Variants in HAX1 observed in about 807,000 individuals in gnomAD.
HAX1 encodes HCLS1 associated protein X-1.
A neutral mutation model predicts 31.1 loss-of-function variants in HAX1; 27 were observed. The observed-to-expected ratio is 0.87, with a 90% CI of 0.64 to 1.20. HAX1 has a LOEUF of 1.20. HAX1 is among the 50% of genes most tolerant of loss of function. HAX1 has a pLI of 0.00. For synonymous variants in HAX1, 114 were observed against 124.1 expected (o/e 0.92, Z 0.54); for missense variants, 357 against 361.6 (o/e 0.99, Z 0.10).
chr1:154,272,782 A>G lies in HAX1; in HGVS notation c.53+6A>G, dbSNP rs1684817663. 6.2e-7 allele frequency: 1 copy of G among 1,613,536 alleles called. No individual in the cohort carries two copies. The highest frequency in any genetic ancestry group is 1.7e-5 in the Admixed American group (1 of 60,002). On this transcript the variant is annotated splice_donor_region_variant and intron_variant, in intron 1 of 6. Transcript: ENST00000328703. ...GGCTTTCCTGGACCTCGGAGGTGAG[A>G]GTAGGTCCGGCTCGGACAAGGGTGG...
In HAX1 at chr1:154,275,087, G is replaced by C. The variant is rs780806194; in HGVS notation, c.557-67G>C. The stretch of plus-strand genomic sequence containing the variant: ...TTCTCCCTCCCTGAAGTTTCTTCCT[G>C]TACACTTGTCTCCTTTTTTCCTTTG... On this transcript the variant is annotated intron_variant, in intron 4 of 6. Coordinates refer to ENST00000328703, the MANE Select transcript of HAX1 (RefSeq NM_006118.4). 158 of 1,439,780 alleles carry C rather than the reference G, an allele frequency of 1.1e-4. 1 individual carries two copies. Among genetic ancestry groups the C allele is most frequent in the Non-Finnish European group, 1.5e-4 (151 of 1,021,430 alleles). 89.2% of individuals were successfully genotyped at this position (1,439,780 alleles called of 1,614,324 possible).
rs199780741 is a variant in HAX1 at position 154,275,236 on chromosome 1, G to A, written c.639G>A (p.Val213=). Reference sequence around the variant, plus strand: ...AATCCTATTTCAAGAGCATCTCTGTGACCAAGATCACTAAACCAGATGGGG... The same window carrying A: ...AATCCTATTTCAAGAGCATCTCTGTAACCAAGATCACTAAACCAGATGGGG... ...QPKSYFKSIS[V]TKITKPDGIV... Residue 213 remains valine, a synonymous_variant, in exon 5 of 7, where the codon GTG becomes GTA. Transcript: ENST00000328703. 1.2e-6 allele frequency: 2 copies of A among 1,613,130 alleles called. No homozygotes were observed. Among genetic ancestry groups the A allele is most frequent in the African/African-American group, 1.3e-5 (1 of 75,028 alleles).
rs1684849193 is a variant in HAX1, at chr1:154,273,262, T to A, written c.54-74T>A. ...CCCAGACCCCTTGCTCTTGTCCCAC[T>A]TTGCCACCCATGAGTTGATTTAATG... On this transcript the variant is annotated intron_variant, in intron 1 of 6. Transcript: ENST00000328703. The A allele has an allele frequency of 1.7e-5, 28 of 1,601,726 alleles. No homozygotes were observed. The South Asian group carries it at 2.9e-4, about 16-fold the overall frequency.
At chr1:154,273,010 GGAAGA>G (rs1684831376) in intron 1 of HAX1, 1 of 615,034 alleles carries the variant, frequency 1.6e-6, no homozygotes, top group Non-Finnish European at 2.9e-6. Flanking sequence ...ACCCGGGCGG[GGAAGA>G]CCGTGAGGGT....
Position 154,272,746 on chromosome 1 carries a change from G to C in HAX1, c.23G>C (p.Arg8Pro). 6.2e-7 allele frequency: 1 copy of C among 1,614,168 alleles called. No individual in the cohort carries two copies. The highest frequency in any genetic ancestry group is 8.5e-7 in the Non-Finnish European group (1 of 1,180,026). ...GGAATGAGCCTCTTTGATCTCTTCC[G>C]GGGCTTTTTCGGCTTTCCTGGACCT... is the stretch of plus-strand genomic sequence containing the variant. MSLFDLF[R>P]GFFGFPGPRS... Residue 8 changes from arginine (R) to proline (P), a missense_variant, in exon 1 of 7, where the codon CGG (arginine) becomes CCG (proline). Arg to Pro is a moderately radical substitution (Grantham distance 103). Transcript: ENST00000328703.
In HAX1 at chr1:154,273,973, A is replaced by G. The variant is rs746515158; in HGVS notation, c.504+12A>G. 7 of 1,610,236 alleles carry G rather than the reference A, an allele frequency of 4.3e-6. 1 individual carries two copies. The South Asian group carries it at 7.7e-5, about 18-fold the overall frequency. On this transcript the variant is annotated intron_variant, in intron 3 of 6. Coordinates refer to ENST00000328703, the MANE Select transcript of HAX1 (RefSeq NM_006118.4). ...GGCCATTTCATAGGGTGAGTATCCC[A>G]TCTGGTCCTGAAGTGAGAGCTTGTG...
chr1:154,272,978 A>C, intron 1 of HAX1: 1 of 634,970 alleles, frequency 1.6e-6, no homozygotes, highest in Admixed American at 2.6e-5. Flanking sequence ...GCCTTTCTCC[A>C]ACCTGGGGTG....
intron 1 of HAX1, 62 bp from the exon 2 acceptor site, chr1:154,273,274 G>A (rs959258096): frequency 1.9e-6 from 3 of 1,607,652 alleles, no homozygotes; most frequent in African/African-American, 1.3e-5. Flanking sequence ...TGCCACCCAT[G>A]AGTTGATTTA....
At position 154,273,810 on chromosome 1, in the gene HAX1, G is replaced by C; in HGVS notation, c.353G>C (p.Arg118Thr). The stretch of plus-strand genomic sequence containing the variant: ...CCTGAGTCAGAGACACCTGGTGAGA[G>C]ACTACGGGAGGGACAGACACTTCGG... ...PGPESETPGE[R>T]LREGQTLRDS... Residue 118 changes from arginine to threonine, a missense_variant, in exon 3 of 7, where the codon AGA becomes ACA. Transcript: ENST00000328703. 1 of 1,614,164 alleles carries C rather than the reference G, an allele frequency of 6.2e-7. No individual in the cohort carries two copies. The highest frequency in any genetic ancestry group is 8.5e-7 in the Non-Finnish European group (1 of 1,180,024).
rs11556342 is a variant in HAX1, at chr1:154,273,390, A to G, written c.108A>G (p.Glu36=). 2.5e-6 allele frequency: 4 copies of G among 1,600,482 alleles called. No homozygotes were observed. Among genetic ancestry groups the G allele is most frequent in the Non-Finnish European group, 3.4e-6 (4 of 1,168,694 alleles). The part of the protein sequence containing the change: ...GMTRDEDDDE[E]EEEEGGSWGR... The stretch of plus-strand genomic sequence containing the variant: ...CTCGAGATGAAGATGATGATGAGGA[A>G]GAAGAAGAAGAAGGGGGCTCATGGG... The change falls in exon 2 of 7, where the codon GAA becomes GAG. Residue 36 remains glutamate, a synonymous_variant. Transcript: ENST00000328703.
Position 154,273,929 on chromosome 1 carries a change from C to T in HAX1, c.472C>T (p.Pro158Ser), listed in dbSNP as rs1160445615. 1 of 1,614,130 alleles carries T rather than the reference C, an allele frequency of 6.2e-7. No homozygotes were observed. The highest frequency in any genetic ancestry group is 1.7e-5 in the Admixed American group (1 of 60,022). Residue 158 changes from proline (P) to serine (S), a missense_variant, in exon 3 of 7, where the codon CCA becomes TCA. Transcript: ENST00000328703. ...DARSESPQPAPDWGSQRPFHR... is the reference protein window; with the variant it reads ...DARSESPQPASDWGSQRPFHR... ...AAGAAGTGAATCCCCCCAACCAGCACCAGACTGGGGCTCCCAGAGGCCATT... is the reference window on the plus strand; with the variant it reads ...AAGAAGTGAATCCCCCCAACCAGCATCAGACTGGGGCTCCCAGAGGCCATT...
chr1:154,275,217 A>C lies in HAX1; in HGVS notation c.620A>C (p.Tyr207Ser). The change falls in exon 5 of 7, where the codon TAT (tyrosine) becomes TCT (serine). Residue 207 changes from tyrosine to serine, a missense_variant. Coordinates refer to ENST00000328703, the MANE Select transcript of HAX1 (RefSeq NM_006118.4). ...GPVLQPQPKS[Y>S]FKSISVTKIT... The stretch of plus-strand genomic sequence containing the variant: ...GTTCTACAGCCCCAGCCCAAATCCT[A>C]TTTCAAGAGCATCTCTGTGACCAAG... 1 of 1,613,834 alleles carries C rather than the reference A, an allele frequency of 6.2e-7. No individual in the cohort carries two copies. The highest frequency in any genetic ancestry group is 8.5e-7 in the Non-Finnish European group (1 of 1,179,754).
Position 154,273,379 on chromosome 1 carries a change from G to C in HAX1, c.97G>C (p.Asp33His). Residue 33 changes from aspartate to histidine, a missense_variant, in exon 2 of 7, where the codon GAT (aspartate) becomes CAT (histidine). Transcript: ENST00000328703. ...FFGGMTRDED[D>H]DEEEEEEGGS... Reference sequence around the variant, plus strand: ...TGGAGGGATGACTCGAGATGAAGATGATGATGAGGAAGAAGAAGAAGAAGG... The same window carrying C: ...TGGAGGGATGACTCGAGATGAAGATCATGATGAGGAAGAAGAAGAAGAAGG... 3 of 1,613,834 alleles carry C rather than the reference G, an allele frequency of 1.9e-6. No individual in the cohort carries two copies. The highest frequency in any genetic ancestry group is 2.5e-6 in the Non-Finnish European group (3 of 1,179,928).
At position 154,273,519 on chromosome 1, in the gene HAX1, C is replaced by T. The variant is rs761531560; in HGVS notation, c.237C>T (p.Phe79=). ...PGGGIRFHDN[F]GFDDLVRDFN... is the part of the protein sequence containing the mutation. ...GAGGGATACGTTTCCACGATAACTT[C>T]GGCTTTGATGACCTAGTACGAGATT... The change falls in exon 2 of 7, where the codon TTC becomes TTT. Residue 79 remains phenylalanine (F), a synonymous_variant. Transcript: ENST00000328703. 1.2e-6 allele frequency: 2 copies of T among 1,614,124 alleles called. No homozygotes were observed. The highest frequency in any genetic ancestry group is 1.7e-6 in the Non-Finnish European group (2 of 1,180,016).
In HAX1 at chr1:154,273,468, CT is replaced by C; in HGVS notation, c.188del (p.Phe63SerfsTer22). On this transcript the variant is annotated frameshift_variant, in exon 2 of 7. Transcript: ENST00000328703. LOFTEE classifies it high-confidence loss of function. ...SPQHPPEEFG[F>X]GFSFSPGGGI... ...CTCAGCACCCCCCTGAGGAATTTGG[CT>C]TCGGCTTCAGCTTCAGCCCAGGAGG... is the stretch of plus-strand genomic sequence containing the variant. 1 of 1,614,174 alleles carries C rather than the reference CT, an allele frequency of 6.2e-7. No homozygotes were observed. The highest frequency in any genetic ancestry group is 1.1e-5 in the South Asian group (1 of 91,088).
rs1401575127 is a variant in HAX1, at chr1:154,273,557, T to C, written c.275T>C (p.Phe92Ser). 6.2e-7 allele frequency: 1 copy of C among 1,614,170 alleles called. No homozygotes were observed. The highest frequency in any genetic ancestry group is 1.1e-5 in the South Asian group (1 of 91,084). ...DDLVRDFNSI[F>S]SDMGAWTLPS... ...CTAGTACGAGATTTCAATAGCATCT[T>C]CAGCGATATGGGGGCCTGGACCTTG... The change falls in exon 2 of 7, where the codon TTC becomes TCC. Residue 92 changes from phenylalanine (F) to serine (S), a missense_variant. Phe to Ser is a radical substitution (Grantham distance 155). Coordinates refer to ENST00000328703, the MANE Select transcript of HAX1 (RefSeq NM_006118.4).
rs375704974 is a variant in HAX1 at position 154,275,672 on chromosome 1, T to C, written c.811T>C (p.Phe271Leu). ...TGATGCCTTTTCCATCCTGGACTTA[T>C]TCCTGGGACGTTGGTTCCGGTCCCG... The part of the protein sequence containing the change: ...LDDAFSILDL[F>L]LGRWFRSR The change falls in exon 7 of 7, where the codon TTC (phenylalanine) becomes CTC (leucine). Residue 271 changes from phenylalanine to leucine, a missense_variant. Physicochemically the swap from Phe to Leu is conservative, Grantham distance 22 (BLOSUM62 0). Transcript: ENST00000328703. The C allele has an allele frequency of 6.8e-6, 11 of 1,614,018 alleles. No homozygotes were observed. The highest frequency in any genetic ancestry group is 3.3e-4 in the Middle Eastern group (2 of 6,058).
At chr1:154,273,166 AAAAAAG>A in intron 1 of HAX1, 164 bp from the exon 2 acceptor site, 3 of 688,020 alleles carry the variant, frequency 4.4e-6, no homozygotes, top group African/African-American at 1.8e-5. Context: ...AAAAAAAAAA[AAAAAAG>A]AACTGTCAGC....
chr1:154,273,540 A>T lies in HAX1; in HGVS notation c.258A>T (p.Arg86=). The T allele has an allele frequency of 1.2e-6, 2 of 1,614,110 alleles. No individual in the cohort carries two copies. Among genetic ancestry groups the T allele is most frequent in the Non-Finnish European group, 1.7e-6 (2 of 1,180,024 alleles). The stretch of plus-strand genomic sequence containing the variant: ...ACTTCGGCTTTGATGACCTAGTACG[A>T]GATTTCAATAGCATCTTCAGCGATA... ...HDNFGFDDLV[R]DFNSIFSDMG... is the part of the protein sequence containing the mutation. The change falls in exon 2 of 7, where the codon CGA becomes CGT. Residue 86 remains arginine, a synonymous_variant. Coordinates refer to ENST00000328703, the MANE Select transcript of HAX1 (RefSeq NM_006118.4).
Sources: gnomAD v4.1 joint callset for allele counts on GRCh38, gnomAD v4.1.1 for gene constraint, MANE v1.5 for transcripts, NCBI Gene and HGNC (gene_info 2026-07-23, HGNC 2026-07-21) for gene names.